Variants in PLEKHM2 observed in about 807,000 individuals in gnomAD.
The protein encoded by PLEKHM2 is pleckstrin homology domain-containing family M member 2.
In PLEKHM2, 77 loss-of-function variants were observed where a neutral mutation model predicts 116.3. The observed-to-expected ratio is 0.66, with a 90% confidence interval of 0.55 to 0.80. The LOEUF is 0.80. Among genes scored for constraint, PLEKHM2 ranks in the 30% least tolerant of loss-of-function variants. The pLI, the probability that PLEKHM2 is intolerant of heterozygous loss-of-function variation, is 0.00. For missense variants in PLEKHM2, 1,183 were observed against 1,354.9 expected, an observed-to-expected ratio of 0.87 and a Z score of 1.99; for synonymous variants, 562 against 571.0, an observed-to-expected ratio of 0.98 and a Z score of 0.22.
At chr1:15,709,653 C>A (rs1476948422) in intron 1 of PLEKHM2, among the ~76,000 whole-genome samples, 1 of 152,132 alleles carries the variant, frequency 6.6e-6, no homozygotes, top group Admixed American at 6.6e-5. Context: ...GCCTACGGAG[C>A]CTTCTCTCTC....
At chr1:15,691,535 C>T (rs1048436401) in intron 1 of PLEKHM2, among the ~76,000 whole-genome samples, 5 of 152,318 alleles carry the variant, frequency 3.3e-5, no homozygotes, top group African/African-American at 4.8e-5. Context: ...AACCTTCTCT[C>T]GCCTCAGTCT....
chr1:15,695,086 T>G (rs1442623240), intron 1 of PLEKHM2, among the ~76,000 whole-genome samples: 1 of 152,146 alleles, frequency 6.6e-6, no homozygotes, highest in African/African-American at 2.4e-5. Flanking sequence ...ATTTATCTTT[T>G]CCTCCTTTGC....
At chr1:15,682,890 T>G (rs1640676860), upstream of PLEKHM2, 1 of 152,088 alleles carries the variant, frequency 6.6e-6, no homozygotes, top group African/African-American at 2.4e-5. Flanking sequence ...CAGGATATAT[T>G]TATTTGGGAA....
chr1:15,687,777 G>T (rs901751269), intron 1 of PLEKHM2, among the ~76,000 whole-genome samples: 2 of 152,210 alleles, frequency 1.3e-5, no homozygotes, highest in African/African-American at 2.4e-5. Context: ...CTTGGGGTCA[G>T]ATTTGTCCTT....
intron 19 of PLEKHM2, among the ~76,000 whole-genome samples, 168 bp from the exon 20 acceptor site, chr1:15,733,629 T>C (rs1241162197): frequency 6.6e-6 from 1 of 152,198 alleles, no homozygotes; most frequent in Non-Finnish European, 1.5e-5. Flanking sequence ...CTCAAGCCCC[T>C]GGAAGAGCGG....
chr1:15,685,728 T>G (rs1214807733), intron 1 of PLEKHM2, among the ~76,000 whole-genome samples: 2 of 152,166 alleles, frequency 1.3e-5, no homozygotes, highest in Non-Finnish European at 2.9e-5. Flanking sequence ...GCAAGCTATT[T>G]TACCTTTCAT....
In PLEKHM2 at chr1:15,721,844, G is replaced by A. The variant is rs1360855882; in HGVS notation, c.712+456G>A. On this transcript the variant is annotated intron_variant, in intron 7 of 19. Coordinates refer to ENST00000375799, the MANE Select transcript of PLEKHM2 (RefSeq NM_015164.4). The surrounding 1 kb of genome is among the most constrained non-coding windows in gnomAD (Gnocchi z 5.1). ...TGTTCCTAATGGCTTCCTCTTGGGT[G>A]TTTTGGAGTGGTTGAGGTCCAAGTC... 6.6e-6 allele frequency among the ~76,000 whole-genome samples: 1 copy of A among 152,240 alleles called. No homozygotes were observed. The highest frequency in any genetic ancestry group is 2.4e-5 in the African/African-American group (1 of 41,460).
intron 1 of PLEKHM2, among the ~76,000 whole-genome samples, chr1:15,686,648 A>ATTTTTTTTTTTTTT (rs1233033159): frequency 3.0e-5 from 4 of 134,230 alleles, no homozygotes; most frequent in African/African-American, 1.2e-4. Context: ...ACCCGGCTAA[A>ATTTTTTTTTTTTTT]TTTTTTTTTT....
Position 15,729,674 on chromosome 1 carries a change from T to A in PLEKHM2, c.2076-123T>A. 1.2e-6 allele frequency: 1 copy of A among 810,686 alleles called. No individual in the cohort carries two copies. The highest frequency in any genetic ancestry group is 2.0e-6 in the Non-Finnish European group (1 of 508,746). The allele number at this position is 810,686 out of a possible 1,614,324, so 50.2% of individuals were successfully genotyped here. ...CGCACCTGCCGCCCTGGTCACTGGGTCTAGCCAGGTCTCTCCCCCAAGTTT... is the reference window on the plus strand; with the variant it reads ...CGCACCTGCCGCCCTGGTCACTGGGACTAGCCAGGTCTCTCCCCCAAGTTT... On this transcript the variant is annotated intron_variant, in intron 13 of 19. Coordinates refer to ENST00000375799, the MANE Select transcript of PLEKHM2 (RefSeq NM_015164.4). This position sits in a 1 kb window ranked among gnomAD's most constrained non-coding sequence, Gnocchi z 4.7.
At chr1:15,716,966 C>A in intron 3 of PLEKHM2, 150 bp downstream of exon 3, 2 of 977,244 alleles carry the variant, frequency 2.0e-6, no homozygotes, top group East Asian at 2.7e-5. Flanking sequence ...AAAATGCCAG[C>A]ACCAGGCCAG....
intron 1 of PLEKHM2, among the ~76,000 whole-genome samples, chr1:15,705,105 C>A (rs1049438156): frequency 1.3e-5 from 2 of 151,796 alleles, no homozygotes; most frequent in African/African-American, 2.4e-5. Context: ...CTGGCGGCAC[C>A]CCCCCTGCCC....
chr1:15,723,736 C>T (rs1316472420), intron 7 of PLEKHM2, among the ~76,000 whole-genome samples: 1 of 135,282 alleles, frequency 7.4e-6, no homozygotes, highest in Admixed American at 7.3e-5. Context: ...CACAGCGAGA[C>T]CCTGTCTCAA....
chr1:15,697,127 G>A (rs1472939383), intron 1 of PLEKHM2, among the ~76,000 whole-genome samples: 1 of 152,190 alleles, frequency 6.6e-6, no homozygotes, highest in African/African-American at 2.4e-5. Context: ...TGCTTTGAAA[G>A]CCTGGTTAAA....
At chr1:15,730,743 A>G in intron 15 of PLEKHM2, 21 bp downstream of exon 15, 1 of 1,572,716 alleles carries the variant, frequency 6.4e-7, no homozygotes, top group Non-Finnish European at 8.6e-7. Context: ...TGGCAGCTCT[A>G]GGCCTGGGGC....
intron 1 of PLEKHM2, among the ~76,000 whole-genome samples, chr1:15,692,695 C>T (rs570422237): frequency 1.7e-4 from 26 of 152,216 alleles, no homozygotes; most frequent in African/African-American, 6.0e-4. Flanking sequence ...ACTCCAGCCT[C>T]CCAAAGTGTG....
chr1:15,715,281 T>C (rs1428269244), intron 1 of PLEKHM2, among the ~76,000 whole-genome samples: 1 of 152,168 alleles, frequency 6.6e-6, no homozygotes, highest in Non-Finnish European at 1.5e-5. Flanking sequence ...ATTCAGGAGA[T>C]TGAGGCTGCA....
rs2280115 is a variant in PLEKHM2 at position 15,716,662 on chromosome 1, G to A, written c.168-45G>A. The A allele has an allele frequency of 0.19, 295,420 of 1,545,446 alleles. 30,035 individuals carry two copies. The highest frequency in any genetic ancestry group is 0.33 in the African/African-American group (24,351 of 72,950). On this transcript the variant is annotated intron_variant, in intron 2 of 19. Transcript: ENST00000375799. ...GGACCAGCCGACTGCAGCTTCCCAG[G>A]GTGGCCCCATGCAGGTCACAGCAGC...
chr1:15,728,341 C>G lies in PLEKHM2; in HGVS notation c.1905C>G (p.Val635=). 1 of 1,612,890 alleles carries G rather than the reference C, an allele frequency of 6.2e-7. No individual in the cohort carries two copies. Among genetic ancestry groups the G allele is most frequent in the African/African-American group, 1.3e-5 (1 of 75,072 alleles). Residue 635 remains valine (V), a synonymous_variant, in exon 11 of 20, where the codon GTC becomes GTG. Coordinates refer to ENST00000375799, the MANE Select transcript of PLEKHM2 (RefSeq NM_015164.4). The surrounding 1 kb of genome is among the most constrained non-coding windows in gnomAD (Gnocchi z 5.9). ...LLYVLLTDCY[V]YLLRKGATEK... ...ACGTGCTGCTCACAGACTGCTATGT[C>G]TACCTGCTCCGGAAAGGTGCCCGCC...
At chr1:15,717,670 T>C (rs1368522225) in intron 3 of PLEKHM2, among the ~76,000 whole-genome samples, 1 of 152,188 alleles carries the variant, frequency 6.6e-6, no homozygotes, top group East Asian at 1.9e-4. Context: ...CTGTCTGAAG[T>C]GTGCAGTCTG....
Sources: gnomAD v4.1 joint callset for allele counts (sites outside exome capture counted in the v4.1 genomes callset) on GRCh38, gnomAD v4.1.1 for gene constraint, Gnocchi (gnomAD v3.1) non-coding constraint, MANE v1.5 for transcripts, NCBI Gene and HGNC (gene_info 2026-07-23, HGNC 2026-07-21) for gene names.